The following ITGA9 variants were observed in gnomAD, a reference collection of about 807,000 sequenced individuals.
ITGA9 encodes the protein integrin alpha-9.
In ITGA9, 56 loss-of-function variants were observed where a neutral mutation model predicts 127.8. That is an observed-to-expected ratio of 0.44 (90% confidence interval 0.35 to 0.55). The LOEUF (loss-of-function observed/expected upper bound fraction) is 0.55. Among genes scored for constraint, ITGA9 ranks in the 20% least tolerant of loss-of-function variants. The pLI, the probability that ITGA9 is intolerant of heterozygous loss-of-function variation, is 0.00. For missense variants in ITGA9, 1,196 were observed against 1,347.1 expected (o/e 0.89, Z 1.76); for synonymous variants, 508 against 514.5 (o/e 0.99, Z 0.17).
chr3:37,621,248 G>A (rs918806684), intron 15 of ITGA9, among the ~76,000 whole-genome samples: 2 of 152,194 alleles, frequency 1.3e-5, no homozygotes, highest in African/African-American at 2.4e-5. Context: ...CCAGCCATAT[G>A]GAACTGTGAG....
In ITGA9 at chr3:37,790,526, C is replaced by T. The variant is rs535668343; in HGVS notation, c.2889+5448C>T. On this transcript the variant is annotated intron_variant, in intron 26 of 27. Transcript: ENST00000264741. ...GCCTCCAGGGCGTCTGGAGCATGCA[C>T]ACATGTCCTGTGATTCTTTATATCT... 432 of 267,006 alleles carry T rather than the reference C, an allele frequency of 1.6e-3. 4 individuals are homozygous for T. The highest frequency in any genetic ancestry group is 8.5e-3 in the African/African-American group (381 of 44,870). 16.5% of individuals were successfully genotyped at this position (267,006 alleles called of 1,614,324 possible). A position where few individuals can be genotyped will look rare whatever the true frequency, so the allele number is the denominator to read the frequency against.
chr3:37,477,878 G>T (rs1698509781), intron 3 of ITGA9, among the ~76,000 whole-genome samples: 1 of 151,714 alleles, frequency 6.6e-6, no homozygotes, highest in African/African-American at 2.4e-5. Context: ...AATTATCAGG[G>T]CTGTCCTTAT....
chr3:37,595,086 GTTGTTT>G (rs796248237), intron 15 of ITGA9, among the ~76,000 whole-genome samples: 8 of 151,930 alleles, frequency 5.3e-5, no homozygotes, highest in Non-Finnish European at 7.4e-5. Context: ...TCCTTGTTTT[GTTGTTT>G]TTGTTTTTGT....
At chr3:37,643,887 A>G (rs369498596) in intron 16 of ITGA9, among the ~76,000 whole-genome samples, 6 of 152,076 alleles carry the variant, frequency 3.9e-5, no homozygotes, top group South Asian at 4.1e-4. Flanking sequence ...TTGCCTGCCC[A>G]TGTCTGGTTT....
chr3:37,765,781 A>C (rs187850588), intron 23 of ITGA9, among the ~76,000 whole-genome samples: 18 of 152,300 alleles, frequency 1.2e-4, no homozygotes, highest in Admixed American at 9.8e-4. Context: ...GCTGCCCTTT[A>C]ACCTGTGTGG....
intron 15 of ITGA9, among the ~76,000 whole-genome samples, chr3:37,561,882 G>T (rs1001052619): frequency 1.3e-5 from 2 of 152,140 alleles, no homozygotes; most frequent in African/African-American, 4.8e-5. Flanking sequence ...TTATTCTCAG[G>T]GATTTGGAGG....
intron 22 of ITGA9, among the ~76,000 whole-genome samples, chr3:37,747,164 C>T (rs1243478719): frequency 6.6e-6 from 1 of 152,142 alleles, no homozygotes; most frequent in Non-Finnish European, 1.5e-5. Context: ...AAAGTTCACC[C>T]ATTTAAAGCA....
At position 37,452,394 on chromosome 3, in the gene ITGA9, C is replaced by A; in HGVS notation, c.20C>A (p.Pro7Gln). The A allele has an allele frequency of 7.4e-7, 1 of 1,349,556 alleles. No individual in the cohort carries two copies. 83.6% of individuals were successfully genotyped at this position (1,349,556 alleles called of 1,614,324 possible). Residue 7 changes from proline (P) to glutamine (Q), a missense_variant, in exon 1 of 28, where the codon CCG becomes CAG. By Grantham distance (76) the Pro-to-Gln change is moderately conservative (BLOSUM62 -1). Coordinates refer to ENST00000264741, the MANE Select transcript of ITGA9 (RefSeq NM_002207.3). This position sits in a 1 kb window ranked among gnomAD's most constrained non-coding sequence, Gnocchi z 7.3. MGGPAA[P>Q]RGAGRLRALL... Reference sequence around the variant, plus strand: ...CTGGGGATGGGCGGCCCGGCTGCGCCGAGGGGCGCCGGGAGGCTCCGCGCG... The same window carrying A: ...CTGGGGATGGGCGGCCCGGCTGCGCAGAGGGGCGCCGGGAGGCTCCGCGCG...
At chr3:37,708,463 G>A (rs1433717845) in intron 18 of ITGA9, among the ~76,000 whole-genome samples, 2 of 152,344 alleles carry the variant, frequency 1.3e-5, no homozygotes, top group Admixed American at 6.5e-5. Context: ...GGGTTGGAGA[G>A]TGGGCGTTTT....
intron 14 of ITGA9, among the ~76,000 whole-genome samples, 174 bp from the exon 15 acceptor site, chr3:37,542,251 C>T (rs1480300002): frequency 1.3e-5 from 2 of 152,142 alleles, no homozygotes; most frequent in East Asian, 3.9e-4. Context: ...ATTCTTTGAG[C>T]ACCCTGGCTG....
intron 17 of ITGA9, among the ~76,000 whole-genome samples, chr3:37,666,865 A>G (rs191005863): frequency 1.8e-4 from 27 of 152,200 alleles, no homozygotes; most frequent in Admixed American, 1.7e-3. Context: ...AGGGAAACGT[A>G]CCTCTTGGAA....
At chr3:37,662,020 A>G (rs1700541291) in intron 17 of ITGA9, among the ~76,000 whole-genome samples, 1 of 152,196 alleles carries the variant, frequency 6.6e-6, no homozygotes, top group Non-Finnish European at 1.5e-5. Context: ...GAGAAACCAG[A>G]TTGTGGAACA....
intron 14 of ITGA9, among the ~76,000 whole-genome samples, chr3:37,540,859 T>A (rs182069): frequency 0.64 from 96,585 of 152,060 alleles, 31,169 homozygotes; most frequent in East Asian, 0.86. Context: ...TCCTGAGAGT[T>A]TCCAGGTCTC....
chr3:37,621,619 A>G (rs1388988063), intron 15 of ITGA9, among the ~76,000 whole-genome samples: 2 of 152,164 alleles, frequency 1.3e-5, no homozygotes. Context: ...CCAAATATCC[A>G]GCTACATATT....
intron 17 of ITGA9, among the ~76,000 whole-genome samples, chr3:37,654,189 TCCACAC>T (rs997412904): frequency 1.1e-5 from 1 of 94,062 alleles, no homozygotes; most frequent in African/African-American, 4.5e-5. Context: ...CCCTCCTGCC[TCCACAC>T]ACACACACAC....
At chr3:37,481,408 C>T (rs553079990) in intron 3 of ITGA9, 76 bp from the exon 4 acceptor site, 1 of 1,579,786 alleles carries the variant, frequency 6.3e-7, no homozygotes, top group African/African-American at 1.3e-5. Flanking sequence ...AAAGAAACAT[C>T]TGGCACTGAC....
chr3:37,689,440 C>T (rs1251247742), intron 18 of ITGA9, among the ~76,000 whole-genome samples: 2 of 152,130 alleles, frequency 1.3e-5, no homozygotes, highest in African/African-American at 4.8e-5. Flanking sequence ...CCAGCCAGAG[C>T]ACAGGGTATT....
chr3:37,452,349 G>A lies in ITGA9; in HGVS notation c.-26G>A, dbSNP rs1285761950. On this transcript the variant is annotated 5_prime_UTR_variant, in exon 1 of 28. Transcript: ENST00000264741. This position sits in a 1 kb window ranked among gnomAD's most constrained non-coding sequence, Gnocchi z 7.3. ...CGCTCGGCGCCCTGCTCGCCGGGCA[G>A]AGGGGAAGGCGGCGGCCGGCTGGGG... The A allele has an allele frequency of 8.9e-6, 10 of 1,123,172 alleles. No homozygotes were observed. The highest frequency in any genetic ancestry group is 3.9e-4 in the Middle Eastern group (1 of 2,596). 69.6% of individuals were successfully genotyped at this position (1,123,172 alleles called of 1,614,324 possible).
chr3:37,455,359 T>A (rs1266342038), intron 1 of ITGA9, among the ~76,000 whole-genome samples: 2 of 152,190 alleles, frequency 1.3e-5, no homozygotes, highest in African/African-American at 4.8e-5. Context: ...AATTGCTGGG[T>A]CAGAGAGGAT....
Sources: gnomAD v4.1 joint callset for allele counts (sites outside exome capture counted in the v4.1 genomes callset) on GRCh38, gnomAD v4.1.1 for gene constraint, Gnocchi (gnomAD v3.1) non-coding constraint, MANE v1.5 for transcripts, NCBI Gene and HGNC (gene_info 2026-07-23, HGNC 2026-07-21) for gene names.